The following SLC6A11 variants were observed in gnomAD, a reference collection of about 807,000 sequenced individuals.
SLC6A11 encodes sodium- and chloride-dependent GABA transporter 3.
Under a neutral mutation model 74.8 loss-of-function variants are expected in SLC6A11, and 25 were observed. The observed-to-expected ratio is 0.33, with a 90% CI of 0.24 to 0.47. The LOEUF (loss-of-function observed/expected upper bound fraction) is 0.47, where lower values mean the gene tolerates loss of function less well. SLC6A11 is among the 20% of genes least tolerant of loss of function. The pLI, the probability that SLC6A11 is intolerant of heterozygous loss-of-function variation, is 1.00. For missense variants in SLC6A11, 574 were observed against 837.0 expected (o/e 0.69, Z 3.88); for synonymous variants, 330 against 330.2 (o/e 1.00, Z 0.01).
intron 9 of SLC6A11, among the ~76,000 whole-genome samples, chr3:10,927,782 C>A (rs1253974498): frequency 2.6e-5 from 4 of 152,214 alleles, no homozygotes; most frequent in Non-Finnish European, 5.9e-5. Flanking sequence ...GCCTCATTCC[C>A]TTTGTCTGCA....
intron 9 of SLC6A11, among the ~76,000 whole-genome samples, chr3:10,927,478 G>T (rs1695624925): frequency 2.0e-5 from 3 of 152,282 alleles, no homozygotes; most frequent in African/African-American, 2.4e-5. Context: ...TCCTTTCATT[G>T]TCTGCATTTT....
intron 2 of SLC6A11, 56 bp from the exon 3 acceptor site, chr3:10,819,656 G>A (rs1694111624): frequency 6.2e-7 from 1 of 1,610,828 alleles, no homozygotes; most frequent in Non-Finnish European, 8.5e-7. Flanking sequence ...CAACTGCAAA[G>A]GCAGATTGTT....
chr3:10,863,210 T>C (rs1468974833), intron 5 of SLC6A11, among the ~76,000 whole-genome samples: 1 of 152,156 alleles, frequency 6.6e-6, no homozygotes, highest in Non-Finnish European at 1.5e-5. Context: ...TGTGAACAGC[T>C]GACTGTATTA....
rs1410871104 is a variant in SLC6A11 at position 10,915,857 on chromosome 3, G to C, written c.996-2472G>C. Among the ~76,000 whole-genome samples, 1 of 152,230 alleles carries C rather than the reference G, an allele frequency of 6.6e-6. No individual in the cohort carries two copies. The highest frequency in any genetic ancestry group is 2.4e-5 in the African/African-American group (1 of 41,460). On this transcript the variant is annotated intron_variant, in intron 7 of 13. Coordinates refer to ENST00000254488, the MANE Select transcript of SLC6A11 (RefSeq NM_014229.3). The surrounding 1 kb of genome is among the most constrained non-coding windows in gnomAD (Gnocchi z 4.3). ...GGACAATTTGTTTTTCAACACCTGT[G>C]TGGATGCCCAGAGACAATTTTTTAA...
chr3:10,818,571 A>T (rs1045089180), intron 1 of SLC6A11, among the ~76,000 whole-genome samples: 2 of 152,232 alleles, frequency 1.3e-5, no homozygotes, highest in South Asian at 2.1e-4. Context: ...GGATTCATCA[A>T]AATTGTTGCT....
At chr3:10,866,073 C>T (rs186467735) in intron 5 of SLC6A11, among the ~76,000 whole-genome samples, 1 of 152,348 alleles carries the variant, frequency 6.6e-6, no homozygotes, top group East Asian at 1.9e-4. Context: ...CCCATAACAG[C>T]ATGGGTGTGA....
chr3:10,929,129 C>T (rs566669342), intron 9 of SLC6A11, 73 bp from the exon 10 acceptor site: 13 of 1,535,134 alleles, frequency 8.5e-6, no homozygotes, highest in African/African-American at 5.4e-5. Context: ...AGGCCTGCTG[C>T]GCTTGCCCAG....
At chr3:10,842,185 C>T (rs1694447065) in intron 4 of SLC6A11, among the ~76,000 whole-genome samples, 1 of 152,224 alleles carries the variant, frequency 6.6e-6, no homozygotes, top group Non-Finnish European at 1.5e-5. Context: ...TCAAGGGATC[C>T]ATGACTTCCT....
chr3:10,853,386 G>A (rs1298574882), intron 5 of SLC6A11, among the ~76,000 whole-genome samples: 2 of 152,214 alleles, frequency 1.3e-5, no homozygotes, highest in Non-Finnish European at 2.9e-5. Context: ...TCACCTGCGG[G>A]CAATGGCCCA....
intron 6 of SLC6A11, among the ~76,000 whole-genome samples, chr3:10,884,092 C>G (rs892299834): frequency 6.6e-6 from 1 of 152,190 alleles, no homozygotes; most frequent in Non-Finnish European, 1.5e-5. Context: ...TGTACTCCTT[C>G]CAGTCAGAGG....
intron 6 of SLC6A11, among the ~76,000 whole-genome samples, chr3:10,901,098 C>T (rs1695234280): frequency 6.6e-6 from 1 of 152,224 alleles, no homozygotes; most frequent in African/African-American, 2.4e-5. Context: ...CAGGGGACAG[C>T]TTGGCCTAAA....
intron 4 of SLC6A11, among the ~76,000 whole-genome samples, chr3:10,839,356 CAA>C (rs1694408456): frequency 6.6e-6 from 1 of 152,160 alleles, no homozygotes; most frequent in Non-Finnish European, 1.5e-5. Context: ...ACTCTAAGAC[CAA>C]ACAGTGGCTC....
chr3:10,936,501 C>T (rs1455232303), intron 13 of SLC6A11, among the ~76,000 whole-genome samples: 1 of 152,186 alleles, frequency 6.6e-6, no homozygotes, highest in Non-Finnish European at 1.5e-5. Flanking sequence ...AGCTCCAGCT[C>T]AGAGTCAGCT....
chr3:10,929,665 GCAA>G (rs1417096885), intron 10 of SLC6A11, among the ~76,000 whole-genome samples: 1 of 152,206 alleles, frequency 6.6e-6, no homozygotes, highest in Non-Finnish European at 1.5e-5. Flanking sequence ...TCTGGGTGAA[GCAA>G]CAACGTCAGC....
chr3:10,917,757 G>C (rs926348336), intron 7 of SLC6A11, among the ~76,000 whole-genome samples: 1 of 152,174 alleles, frequency 6.6e-6, no homozygotes, highest in Non-Finnish European at 1.5e-5. Context: ...AACCTGGAAG[G>C]GGCTGCTCGC....
chr3:10,868,709 C>T (rs961713556), intron 5 of SLC6A11, among the ~76,000 whole-genome samples: 1 of 152,164 alleles, frequency 6.6e-6, no homozygotes, highest in African/African-American at 2.4e-5. Flanking sequence ...TTGTCAGAGA[C>T]CTTATTAGGC....
intron 5 of SLC6A11, among the ~76,000 whole-genome samples, chr3:10,854,485 C>T (rs1694614813): frequency 6.6e-6 from 1 of 152,220 alleles, no homozygotes; most frequent in African/African-American, 2.4e-5. Flanking sequence ...CCCTCTAATC[C>T]TTAACATGTG....
intron 1 of SLC6A11, among the ~76,000 whole-genome samples, chr3:10,818,440 C>T (rs556346411): frequency 5.3e-5 from 8 of 152,328 alleles, no homozygotes; most frequent in Admixed American, 4.6e-4. Flanking sequence ...AACATCCTTA[C>T]TGCCCTCCTT....
Position 10,873,383 on chromosome 3 carries a change from T to TCC in SLC6A11, c.757-1578_757-1577insCC. Reference sequence around the variant, plus strand: ...CCCTCCCCTATGCTCACCTTCATTATTGTATCCTATCCTATGCTATCCTAT... The same window carrying TCC: ...CCCTCCCCTATGCTCACCTTCATTATCCTGTATCCTATCCTATGCTATCCTAT... On this transcript the variant is annotated intron_variant, in intron 5 of 13. Transcript: ENST00000254488. Among the ~76,000 whole-genome samples, 3 of 134,218 alleles carry TCC rather than the reference T, an allele frequency of 2.2e-5. 1 individual carries two copies. In the South Asian group the frequency reaches 7.4e-4, roughly 33 times the overall value. The allele number at this position is 134,218 out of a possible 152,430, so 88.1% of individuals were successfully genotyped here.
Sources: allele counts gnomAD v4.1 joint callset (sites outside exome capture counted in the v4.1 genomes callset), GRCh38; gene constraint gnomAD v4.1.1; non-coding constraint Gnocchi (gnomAD v3.1); transcripts MANE v1.5; gene names NCBI Gene and HGNC (gene_info 2026-07-23, HGNC 2026-07-21).